The following ARPC2 variants were observed in gnomAD, a reference collection of about 807,000 sequenced individuals.
ARPC2 encodes the protein actin related protein 2/3 complex subunit 2.
In ARPC2, 4 loss-of-function variants were observed where a neutral mutation model predicts 38.6. The observed-to-expected ratio is 0.10, with a 90% CI of 0.05 to 0.24. The LOEUF (loss-of-function observed/expected upper bound fraction) is 0.24, where lower values mean the gene tolerates loss of function less well. Among genes scored for constraint, ARPC2 ranks in the 10% least tolerant of loss-of-function variants. The pLI, the probability that ARPC2 is intolerant of heterozygous loss-of-function variation, is 1.00. For missense variants in ARPC2, 229 were observed against 387.3 expected, an observed-to-expected ratio of 0.59 and a Z score of 3.43; for synonymous variants, 125 against 140.8, an observed-to-expected ratio of 0.89 and a Z score of 0.79.
At chr2:218,253,785 C>T (rs1690250231) in intron 10 of ARPC2, 106 bp from the exon 11 acceptor site, 2 of 1,381,994 alleles carry the variant, frequency 1.4e-6, no homozygotes, top group African/African-American at 1.5e-5. Flanking sequence ...TAGCCCTTTC[C>T]ACCTCTCATT....
Position 218,228,821 on chromosome 2 carries a change from A to G in ARPC2, c.193A>G (p.Lys65Glu). ...VMVSISLKFY[K>E]ELQAHGADEL... ...GGTCAGTATTTCTTTGAAATTCTAC[A>G]AGGAACTTCAGGCACATGGTGCTGA... Residue 65 changes from lysine to glutamate, a missense_variant, in exon 4 of 11, where the codon AAG becomes GAG. Physicochemically the swap from Lys to Glu is moderately conservative, Grantham distance 56. Coordinates refer to ENST00000315717, the MANE Select transcript of ARPC2 (RefSeq NM_152862.3). 1.2e-6 allele frequency: 2 copies of G among 1,606,870 alleles called. No homozygotes were observed. The highest frequency in any genetic ancestry group is 1.3e-5 in the African/African-American group (1 of 74,922).
intron 2 of ARPC2, among the ~76,000 whole-genome samples, chr2:218,222,646 T>C (rs895580421): frequency 2.6e-5 from 4 of 152,152 alleles, no homozygotes; most frequent in African/African-American, 4.8e-5. Context: ...ACCGCAATCC[T>C]AAAACCTCTC....
chr2:218,228,367 C>T (rs1298266195), intron 3 of ARPC2, among the ~76,000 whole-genome samples: 1 of 151,842 alleles, frequency 6.6e-6, no homozygotes, highest in Non-Finnish European at 1.5e-5. Context: ...CACACCATTG[C>T]ACTCCAGCCT....
At chr2:218,233,864 G>C (rs893427854) in intron 4 of ARPC2, 1 of 152,970 alleles carries the variant, frequency 6.5e-6, no homozygotes, top group African/African-American at 2.4e-5. Flanking sequence ...AAAAGGATGA[G>C]CTTTGATTAA....
intron 5 of ARPC2, chr2:218,236,095 A>T (rs1689762666): frequency 7.1e-5 from 1 of 14,042 alleles, no homozygotes; most frequent in Admixed American, 5.4e-3. Context: ...GTCTCGAGAA[A>T]AAAAAAAAAA....
At chr2:218,219,446 C>T (rs376291770) in intron 2 of ARPC2, among the ~76,000 whole-genome samples, 2 of 151,824 alleles carry the variant, frequency 1.3e-5, no homozygotes, top group Non-Finnish European at 2.9e-5. Context: ...CCCTCCCAGG[C>T]TCAAGTGAGT....
chr2:218,249,984 G>T, intron 10 of ARPC2, 63 bp downstream of exon 10: 1 of 1,395,172 alleles, frequency 7.2e-7, no homozygotes. Context: ...GGAAGCAGTG[G>T]GCGCTGGTGG....
chr2:218,220,707 G>A (rs945118012), intron 2 of ARPC2, among the ~76,000 whole-genome samples: 6 of 146,098 alleles, frequency 4.1e-5, no homozygotes, highest in African/African-American at 1.5e-4. Flanking sequence ...GGGTAAAGCA[G>A]TGTTGTCATC....
At chr2:218,234,262 G>T in intron 4 of ARPC2, 90 bp from the exon 5 acceptor site, 1 of 995,038 alleles carries the variant, frequency 1.0e-6, no homozygotes, top group Non-Finnish European at 1.5e-6. Flanking sequence ...AACTTAGGAA[G>T]AGCTTGGCAA....
At chr2:218,245,390 CTT>C (rs1690007857) in intron 7 of ARPC2, 28 bp from the exon 8 acceptor site, 2 of 1,613,454 alleles carry the variant, frequency 1.2e-6, no homozygotes, top group Non-Finnish European at 1.7e-6. Context: ...ACCCACTTCT[CTT>C]CTGGTTGCTT....
intron 7 of ARPC2, among the ~76,000 whole-genome samples, chr2:218,241,625 C>T (rs763203061): frequency 1.3e-5 from 2 of 152,216 alleles, no homozygotes; most frequent in Non-Finnish European, 2.9e-5. Flanking sequence ...TATTTTTATA[C>T]TTTAAACAGA....
At chr2:218,250,318 C>G (rs1320165220) in intron 10 of ARPC2, among the ~76,000 whole-genome samples, 1 of 152,148 alleles carries the variant, frequency 6.6e-6, no homozygotes, top group Non-Finnish European at 1.5e-5. Flanking sequence ...CTGGTCCACT[C>G]TCAGCAGGAA....
chr2:218,232,339 A>G (rs1486010104), intron 4 of ARPC2, among the ~76,000 whole-genome samples: 1 of 151,880 alleles, frequency 6.6e-6, no homozygotes, highest in Non-Finnish European at 1.5e-5. Context: ...ACGGTGACAG[A>G]GAAAAAAATA....
At chr2:218,247,922 G>T (rs1043886347) in intron 8 of ARPC2, among the ~76,000 whole-genome samples, 4 of 148,826 alleles carry the variant, frequency 2.7e-5, no homozygotes, top group African/African-American at 7.4e-5. Flanking sequence ...CAGCCTGGGC[G>T]ACAGAACAAG....
intron 3 of ARPC2, among the ~76,000 whole-genome samples, chr2:218,226,572 T>C (rs1271718481): frequency 1.5e-5 from 2 of 129,440 alleles, no homozygotes; most frequent in African/African-American, 6.0e-5. Context: ...GAGCTTGCAG[T>C]GAGCAGACAT....
rs565159837 is a variant in ARPC2, at chr2:218,230,709, G to A, written c.222+1859G>A. On this transcript the variant is annotated intron_variant, in intron 4 of 10. Transcript: ENST00000315717. ...CTCCCCTAGACAGTCTTCACTAGGTGCAAGCCTGCACAGTGGCACACACCT... is the reference window on the plus strand; with the variant it reads ...CTCCCCTAGACAGTCTTCACTAGGTACAAGCCTGCACAGTGGCACACACCT... Among the ~76,000 whole-genome samples the A allele has an allele frequency of 9.2e-5, 14 of 152,210 alleles. No individual in the cohort carries two copies. The South Asian group carries it at 2.9e-3, about 32-fold the overall frequency.
chr2:218,234,090 A>G, intron 4 of ARPC2: 1 of 270,522 alleles, frequency 3.7e-6, no homozygotes, highest in Admixed American at 5.4e-5. Flanking sequence ...AATCACTTGA[A>G]CCCAGGAGGC....
At chr2:218,217,420 A>T in intron 1 of ARPC2, 43 bp from the exon 2 acceptor site, 1 of 1,592,744 alleles carries the variant, frequency 6.3e-7, no homozygotes, top group Non-Finnish European at 8.6e-7. Flanking sequence ...TGCCTCCCTT[A>T]CCCACCCTCA....
In ARPC2 at chr2:218,249,376, G is replaced by A. The variant is rs1348826847; in HGVS notation, c.689G>A (p.Arg230His). The change falls in exon 9 of 11, where the codon CGT becomes CAT. Residue 230 changes from arginine (R) to histidine (H), a missense_variant. By Grantham distance (29) the Arg-to-His change is conservative. This residue lies in a region of ARPC2 where 92 missense variants were observed against 152.3 expected (regional missense o/e 0.60). Transcript: ENST00000315717. ...IGYITFVLFPRHTNASARDNT... is the reference protein window; with the variant it reads ...IGYITFVLFPHHTNASARDNT... ...CTTCCGCCTTCAGTGCTGTTCCCTC[G>A]TCACACCAATGCCAGTGCTCGAGAC... 7 of 1,612,360 alleles carry A rather than the reference G, an allele frequency of 4.3e-6. No homozygotes were observed. Among genetic ancestry groups the A allele is most frequent in the African/African-American group, 1.3e-5 (1 of 74,724 alleles).
Sources: gnomAD v4.1 joint callset for allele counts (sites outside exome capture counted in the v4.1 genomes callset) on GRCh38, gnomAD v4.1.1 for gene constraint, gnomAD v4.1.1 regional missense constraint, MANE v1.5 for transcripts, NCBI Gene and HGNC (gene_info 2026-07-23, HGNC 2026-07-21) for gene names.